Variants in ST6GALNAC6 observed in about 807,000 individuals in gnomAD.
The protein encoded by ST6GALNAC6 is ST6 N-acetylgalactosaminide alpha-2,6-sialyltransferase 6.
A neutral mutation model predicts 34.3 loss-of-function variants in ST6GALNAC6; 19 were observed. The ratio of observed to expected loss-of-function variants is 0.55; its 90% CI spans 0.39 to 0.81. The LOEUF is 0.81. Ranked by LOEUF, ST6GALNAC6 falls within the 40% of genes least tolerant of loss-of-function variation. The pLI, the probability that ST6GALNAC6 is intolerant of heterozygous loss-of-function variation, is 0.00. For missense variants in ST6GALNAC6, 377 were observed against 467.7 expected, an observed-to-expected ratio of 0.81 and a Z score of 1.79; for synonymous variants, 185 against 182.1, an observed-to-expected ratio of 1.02 and a Z score of -0.13.
chr9:127,891,150 C>G (rs1468522312), intron 4 of ST6GALNAC6, 107 bp from the exon 5 acceptor site: 6 of 1,324,056 alleles, frequency 4.5e-6, no homozygotes, highest in Admixed American at 5.1e-5. Context: ...ATTTTAAAGA[C>G]AGGGAAACTG....
intron 2 of ST6GALNAC6, chr9:127,897,216 A>G: frequency 1.0e-6 from 1 of 985,826 alleles, no homozygotes; most frequent in Non-Finnish European, 1.2e-6. Flanking sequence ...GTGAAAGGGA[A>G]AATGTACTGT....
intron 1 of ST6GALNAC6, 21 bp downstream of exon 1, chr9:127,899,467 GCCCCCGCGGCCTGCT>G: frequency 2.1e-6 from 1 of 483,734 alleles, no homozygotes; most frequent in Non-Finnish European, 2.7e-6. Flanking sequence ...CTCCGCCCCC[GCCCCCGCGGCCTGCT>G]CCCGCGCGGC....
intron 4 of ST6GALNAC6, among the ~76,000 whole-genome samples, chr9:127,893,156 G>C (rs1263250042): frequency 6.6e-6 from 1 of 152,112 alleles, no homozygotes; most frequent in African/African-American, 2.4e-5. Context: ...CATATTCAAG[G>C]CAGGAGAAAC....
Position 127,896,286 on chromosome 9 carries a change from G to A in ST6GALNAC6, c.73C>T (p.His25Tyr). 2 of 1,614,086 alleles carry A rather than the reference G, an allele frequency of 1.2e-6. No individual in the cohort carries two copies. The highest frequency in any genetic ancestry group is 2.2e-5 in the East Asian group (1 of 44,874). Reference sequence around the variant, plus strand: ...CTCCGGCGTCTGCTGAGGGGTAGGTGTCGGCGTCCTGCAGGTGGCCCTGGG... The same window carrying A: ...CTCCGGCGTCTGCTGAGGGGTAGGTATCGGCGTCCTGCAGGTGGCCCTGGG... ...LPPGPPAGRR[H>Y]LPLSRRRREM... The change falls in exon 3 of 7, where the codon CAC becomes TAC. Residue 25 changes from histidine (H) to tyrosine (Y), a missense_variant. Transcript: ENST00000373146.
At chr9:127,899,069 G>A in intron 1 of ST6GALNAC6, among the ~76,000 whole-genome samples, 1 of 152,184 alleles carries the variant, frequency 6.6e-6, no homozygotes, top group East Asian at 1.9e-4. Flanking sequence ...ACGCCCCCAC[G>A]AACCCGCGTG....
intron 2 of ST6GALNAC6, 61 bp from the exon 3 acceptor site, chr9:127,896,393 C>T (rs1830457650): frequency 7.1e-7 from 1 of 1,416,006 alleles, no homozygotes; most frequent in Non-Finnish European, 9.8e-7. Flanking sequence ...AAGCCAAAGG[C>T]TACACCTTCT....
chr9:127,890,231 G>A lies in ST6GALNAC6; in HGVS notation c.704+406C>T, dbSNP rs576841043. ...CAGGGCATGCTGGGAGTGATGCATC[G>A]CTGGAGCAGAGCATGCCAGGAGCAA... On this transcript the variant is annotated intron_variant, in intron 5 of 6. Transcript: ENST00000373146. The surrounding 1 kb of genome is among the most constrained non-coding windows in gnomAD (Gnocchi z 4.3). Among the ~76,000 whole-genome samples, 1 of 152,234 alleles carries A rather than the reference G, an allele frequency of 6.6e-6. No homozygotes were observed. Among genetic ancestry groups the A allele is most frequent in the African/African-American group, 2.4e-5 (1 of 41,550 alleles).
rs1829712451 is a variant in ST6GALNAC6 at position 127,885,633 on chromosome 9, C to T, written c.*966G>A. ...GTCGAGGGAGACCCTCGGAAGCCCC[C>T]AGTGACTCCAGACAAAGGGGCAGCC... On this transcript the variant is annotated 3_prime_UTR_variant, in exon 7 of 7. Coordinates refer to ENST00000373146, the MANE Select transcript of ST6GALNAC6 (RefSeq NM_013443.5). The T allele has an allele frequency of 1.3e-5, 2 of 152,278 alleles. No individual in the cohort carries two copies. 9.4% of individuals were successfully genotyped at this position (152,278 alleles called of 1,614,324 possible).
chr9:127,888,330 C>A (rs921960172), intron 5 of ST6GALNAC6, among the ~76,000 whole-genome samples: 1 of 151,724 alleles, frequency 6.6e-6, no homozygotes, highest in Non-Finnish European at 1.5e-5. Context: ...GTGGCGAAAC[C>A]CTGTCTCTAC....
At position 127,890,242 on chromosome 9, in the gene ST6GALNAC6, G is replaced by A. The variant is rs1341550711; in HGVS notation, c.704+395C>T. On this transcript the variant is annotated intron_variant, in intron 5 of 6. Coordinates refer to ENST00000373146, the MANE Select transcript of ST6GALNAC6 (RefSeq NM_013443.5). This position sits in a 1 kb window ranked among gnomAD's most constrained non-coding sequence, Gnocchi z 4.3. ...GGGAGTGATGCATCGCTGGAGCAGA[G>A]CATGCCAGGAGCAACTGTGTGCTTA... Among the ~76,000 whole-genome samples, 1 of 152,206 alleles carries A rather than the reference G, an allele frequency of 6.6e-6. No individual in the cohort carries two copies. Among genetic ancestry groups the A allele is most frequent in the Non-Finnish European group, 1.5e-5 (1 of 68,026 alleles).
chr9:127,892,820 T>C (rs2131523497), intron 4 of ST6GALNAC6, among the ~76,000 whole-genome samples: 1 of 152,266 alleles, frequency 6.6e-6, no homozygotes, highest in East Asian at 1.9e-4. Context: ...CAGTGACCCA[T>C]GGCCCCCACC....
chr9:127,905,449 T>A, upstream of ST6GALNAC6: 1 of 985,506 alleles, frequency 1.0e-6, no homozygotes, highest in African/African-American at 1.7e-5. Context: ...GGAGCCTCTG[T>A]GTCCTGGGCC....
intron 2 of ST6GALNAC6, 96 bp downstream of exon 2, chr9:127,897,860 G>A: frequency 1.9e-6 from 3 of 1,594,536 alleles, no homozygotes; most frequent in Non-Finnish European, 2.6e-6. Context: ...CAGGACCACC[G>A]TCCCCCTGGT....
chr9:127,889,686 G>A (rs1365802804), intron 5 of ST6GALNAC6, among the ~76,000 whole-genome samples: 1 of 151,860 alleles, frequency 6.6e-6, no homozygotes, highest in Non-Finnish European at 1.5e-5. Context: ...CTCGTGATCC[G>A]TCCACTTCGG....
intron 6 of ST6GALNAC6, 39 bp downstream of exon 6, chr9:127,887,445 G>A (rs1032093853): frequency 1.3e-6 from 2 of 1,557,866 alleles, no homozygotes; most frequent in Non-Finnish European, 1.8e-6. Flanking sequence ...GCCAGTGCCT[G>A]GGTGTTGTCC....
Position 127,896,309 on chromosome 9 carries a change from G to T in ST6GALNAC6, c.50C>A (p.Pro17Gln). The change falls in exon 3 of 7, where the codon CCA (proline) becomes CAA (glutamine). Residue 17 changes from proline to glutamine, a missense_variant. Coordinates refer to ENST00000373146, the MANE Select transcript of ST6GALNAC6 (RefSeq NM_013443.5). ...GTGTCGGCGTCCTGCAGGTGGCCCTGGGGGCAGGGATGTGGGTTCACACCT... is the reference window on the plus strand; with the variant it reads ...GTGTCGGCGTCCTGCAGGTGGCCCTTGGGGCAGGGATGTGGGTTCACACCT... Reference protein sequence around the residue: ...PSQCEPTSLPPGPPAGRRHLP... With the variant: ...PSQCEPTSLPQGPPAGRRHLP... 1 of 1,613,580 alleles carries T rather than the reference G, an allele frequency of 6.2e-7. No homozygotes were observed. Among genetic ancestry groups the T allele is most frequent in the Admixed American group, 1.7e-5 (1 of 59,946 alleles).
chr9:127,895,946 T>C (rs1373848188), intron 3 of ST6GALNAC6, among the ~76,000 whole-genome samples: 3 of 151,992 alleles, frequency 2.0e-5, no homozygotes, highest in Non-Finnish European at 4.4e-5. Context: ...CCCACCCCTC[T>C]CTCCTGCACA....
At chr9:127,899,442 C>A (rs1218906942) in intron 1 of ST6GALNAC6, 61 bp downstream of exon 1, 1 of 794,750 alleles carries the variant, frequency 1.3e-6, no homozygotes, top group South Asian at 5.5e-5. Flanking sequence ...CGGCGCCCTC[C>A]GCCCCAGCCC....
At chr9:127,899,735 C>T (rs955355125), upstream of ST6GALNAC6, 111 of 894,018 alleles carry the variant, frequency 1.2e-4, no homozygotes, top group African/African-American at 1.9e-3. Context: ...AAAGGGGAGG[C>T]GGACCCGGGT....
Sources: gnomAD v4.1 joint callset for allele counts (sites outside exome capture counted in the v4.1 genomes callset) on GRCh38, gnomAD v4.1.1 for gene constraint, Gnocchi (gnomAD v3.1) non-coding constraint, MANE v1.5 for transcripts, NCBI Gene and HGNC (gene_info 2026-07-23, HGNC 2026-07-21) for gene names.